ST8SIA6: variants seen among roughly 807,000 people sequenced by gnomAD.
ST8SIA6 encodes alpha-2,8-sialyltransferase 8F.
ST8SIA6 carries 39 observed loss-of-function variants against 33.6 expected under a neutral mutation model. The ratio of observed to expected loss-of-function variants is 1.16; its 90% confidence interval spans 0.90 to 1.52. The LOEUF is 1.52. Ranked by LOEUF, ST8SIA6 falls within the 40% of genes most tolerant of loss-of-function variation. The pLI is 0.00. For synonymous variants in ST8SIA6, 172 were observed against 167.2 expected (o/e 1.03, Z -0.22); for missense variants, 441 against 443.8 (o/e 0.99, Z 0.06).
At chr10:17,380,520 GA>G (rs201985787) in intron 3 of ST8SIA6, among the ~76,000 whole-genome samples, 7 of 151,722 alleles carry the variant, frequency 4.6e-5, no homozygotes, top group Admixed American at 2.0e-4. Context: ...CCATCAAAAG[GA>G]AAAAAAAGAT....
At chr10:17,385,897 G>A (rs181876268) in intron 3 of ST8SIA6, among the ~76,000 whole-genome samples, 2 of 152,268 alleles carry the variant, frequency 1.3e-5, no homozygotes, top group East Asian at 1.9e-4. Flanking sequence ...ACTGAGACCT[G>A]TCTCAGATTT....
At chr10:17,439,877 G>C (rs1405581433) in intron 2 of ST8SIA6, among the ~76,000 whole-genome samples, 1 of 152,202 alleles carries the variant, frequency 6.6e-6, no homozygotes, top group Admixed American at 6.5e-5. Context: ...CTATGCAGCT[G>C]TTCCTACAAA....
intron 4 of ST8SIA6, among the ~76,000 whole-genome samples, chr10:17,344,297 G>A (rs1253430006): frequency 2.0e-5 from 3 of 152,178 alleles, no homozygotes; most frequent in Non-Finnish European, 2.9e-5. Flanking sequence ...CCAGAGACTG[G>A]GTAATTTATA....
intron 3 of ST8SIA6, among the ~76,000 whole-genome samples, chr10:17,371,909 T>G (rs1471244082): frequency 6.6e-6 from 1 of 151,884 alleles, no homozygotes; most frequent in African/African-American, 2.4e-5. Flanking sequence ...AGAAATAATA[T>G]ATTTATTGTC....
At chr10:17,328,433 C>T (rs1287887339) in intron 5 of ST8SIA6, among the ~76,000 whole-genome samples, 1 of 152,150 alleles carries the variant, frequency 6.6e-6, no homozygotes, top group African/African-American at 2.4e-5. Context: ...AGACTGAAAT[C>T]TAACTTTTCA....
At chr10:17,446,740 G>T (rs1356355718) in intron 2 of ST8SIA6, among the ~76,000 whole-genome samples, 1 of 151,928 alleles carries the variant, frequency 6.6e-6, no homozygotes, top group East Asian at 1.9e-4. Flanking sequence ...CAAAATAGAG[G>T]AAAAATGTCT....
intron 4 of ST8SIA6, among the ~76,000 whole-genome samples, chr10:17,350,992 T>C (rs926893875): frequency 6.6e-6 from 1 of 152,106 alleles, no homozygotes; most frequent in Non-Finnish European, 1.5e-5. Flanking sequence ...ATGGAAGACA[T>C]GGTATTCAGA....
chr10:17,371,067 GA>G (rs1398215978), intron 3 of ST8SIA6, among the ~76,000 whole-genome samples: 1 of 152,174 alleles, frequency 6.6e-6, no homozygotes, highest in Admixed American at 6.5e-5. Context: ...GATTTGATTT[GA>G]AGGTAGCCAA....
chr10:17,361,712 G>GGA lies in ST8SIA6; in HGVS notation c.291-2113_291-2112insTC, dbSNP rs376868627. ...TACAAAAATAAGGAAAAGACATTGG[G>GGA]AAAAAAAAAAAAAAACCGGGCAGGC... On this transcript the variant is annotated intron_variant, in intron 3 of 7. Transcript: ENST00000377602. Among the ~76,000 whole-genome samples the GGA allele has an allele frequency of 5.7e-5, 7 of 123,592 alleles. No individual in the cohort carries two copies. In the South Asian group the frequency reaches 1.8e-3, roughly 31 times the overall value. The allele number at this position is 123,592 out of a possible 152,430, so 81.1% of individuals were successfully genotyped here. A position where few individuals can be genotyped will look rare whatever the true frequency, so the allele number is the denominator to read the frequency against.
chr10:17,379,580 C>T (rs1850056056), intron 3 of ST8SIA6, among the ~76,000 whole-genome samples: 1 of 152,274 alleles, frequency 6.6e-6, no homozygotes, highest in African/African-American at 2.4e-5. Flanking sequence ...AAAGACTAAT[C>T]AGAAACTCAA....
chr10:17,364,739 A>G (rs7922205), intron 3 of ST8SIA6, among the ~76,000 whole-genome samples: 4 of 152,212 alleles, frequency 2.6e-5, no homozygotes, highest in African/African-American at 9.6e-5. Context: ...GCTGTGGGCC[A>G]AGTTGGGGAT....
intron 2 of ST8SIA6, among the ~76,000 whole-genome samples, chr10:17,404,978 C>G (rs1490997753): frequency 6.6e-6 from 1 of 152,170 alleles, no homozygotes; most frequent in Non-Finnish European, 1.5e-5. Context: ...AGGGGAGAGG[C>G]AACTCTCCCT....
chr10:17,340,181 C>T (rs143539942), intron 4 of ST8SIA6, among the ~76,000 whole-genome samples: 13 of 152,288 alleles, frequency 8.5e-5, no homozygotes, highest in East Asian at 5.8e-4. Flanking sequence ...TTAACTTCCT[C>T]GTTCTCTTCG....
At chr10:17,340,487 G>A (rs182025249) in intron 4 of ST8SIA6, among the ~76,000 whole-genome samples, 23 of 152,258 alleles carry the variant, frequency 1.5e-4, no homozygotes, top group Admixed American at 1.4e-3. Context: ...TAGACTGTGC[G>A]GTCCAAACCC....
chr10:17,376,743 A>C (rs1460160812), intron 3 of ST8SIA6, among the ~76,000 whole-genome samples: 1 of 152,212 alleles, frequency 6.6e-6, no homozygotes, highest in Non-Finnish European at 1.5e-5. Context: ...GCTATAAAGC[A>C]TTTTTAATAC....
intron 3 of ST8SIA6, among the ~76,000 whole-genome samples, chr10:17,384,699 A>C (rs138911472): frequency 1.3e-5 from 2 of 152,324 alleles, no homozygotes; most frequent in African/African-American, 4.8e-5. Flanking sequence ...GCTTTCTTCA[A>C]ACCATGAGAA....
At chr10:17,426,820 G>A (rs1851953295) in intron 2 of ST8SIA6, among the ~76,000 whole-genome samples, 1 of 152,190 alleles carries the variant, frequency 6.6e-6, no homozygotes, top group Non-Finnish European at 1.5e-5. Context: ...CTATGCACGG[G>A]GCCAGGCGCA....
At chr10:17,395,719 C>CT (rs1395778234) in intron 2 of ST8SIA6, among the ~76,000 whole-genome samples, 2 of 152,008 alleles carry the variant, frequency 1.3e-5, no homozygotes, top group African/African-American at 4.8e-5. Context: ...CCCATCTCTA[C>CT]TTAAAATATA....
intron 2 of ST8SIA6, among the ~76,000 whole-genome samples, chr10:17,392,480 C>T (rs1049240323): frequency 8.5e-5 from 13 of 152,066 alleles, no homozygotes; most frequent in African/African-American, 1.4e-4. Context: ...TGACCATGAT[C>T]GGGCCACTGC....
Sources: allele counts gnomAD v4.1 joint callset (sites outside exome capture counted in the v4.1 genomes callset), GRCh38; gene constraint gnomAD v4.1.1; transcripts MANE v1.5; gene names NCBI Gene and HGNC (gene_info 2026-07-23, HGNC 2026-07-21).